The following SPATA7 variants were observed in gnomAD, a reference collection of about 807,000 sequenced individuals.
SPATA7 encodes spermatogenesis associated 7.
SPATA7 carries 43 observed loss-of-function variants against 51.8 expected under a neutral mutation model. That is an observed-to-expected ratio of 0.83 (90% CI 0.65 to 1.07). SPATA7 has a LOEUF of 1.07. Among genes scored for constraint, SPATA7 ranks in the 50% least tolerant of loss-of-function variants. SPATA7 has a pLI of 0.00. For missense variants in SPATA7, 683 were observed against 701.3 expected, an observed-to-expected ratio of 0.97 and a Z score of 0.30; for synonymous variants, 230 against 252.8, an observed-to-expected ratio of 0.91 and a Z score of 0.86.
chr14:88,426,400 T>C lies in SPATA7; in HGVS notation c.541T>C (p.Ser181Pro), dbSNP rs1466926086. Reference protein sequence around the residue: ...GPEKNSSSSPSSVDYAASGPR... With the variant: ...GPEKNSSSSPPSVDYAASGPR... Reference sequence around the variant, plus strand: ...TGAGAAGAACTCCAGTTCCTCCCCGTCCAGTGTGGATTATGCAGCCTCCGG... The same window carrying C: ...TGAGAAGAACTCCAGTTCCTCCCCGCCCAGTGTGGATTATGCAGCCTCCGG... Residue 181 changes from serine (S) to proline (P), a missense_variant, in exon 6 of 12, where the codon TCC becomes CCC. Coordinates refer to ENST00000393545, the MANE Select transcript of SPATA7 (RefSeq NM_018418.5). 1.9e-5 allele frequency: 31 copies of C among 1,614,040 alleles called. No homozygotes were observed. The highest frequency in any genetic ancestry group is 2.6e-5 in the Non-Finnish European group (31 of 1,180,028).
At chr14:88,438,585 G>A, downstream of SPATA7, 1 of 693,870 alleles carries the variant, frequency 1.4e-6, no homozygotes, top group Non-Finnish European at 2.5e-6. Flanking sequence ...TTATCCCACA[G>A]TTTTGTGGAT....
intron 4 of SPATA7, among the ~76,000 whole-genome samples, chr14:88,460,838 T>C (rs556689021): frequency 3.5e-4 from 53 of 152,256 alleles, no homozygotes; most frequent in Admixed American, 6.5e-4. Context: ...ATCTTTGTGG[T>C]TTTATCTATC....
In SPATA7 at chr14:88,469,892, G is replaced by C. The variant is rs1373715681; in HGVS notation, c.*25G>C. ...ACATTAACTGTTCTTCAGAGGCTGA[G>C]AAAATCACTTAAGAGAAATAAGTAC... On this transcript the variant is annotated 3_prime_UTR_variant, in exon 5 of 5. Coordinates refer to the SPATA7 transcript ENST00000556406. The surrounding 1 kb of genome is among the most constrained non-coding windows in gnomAD (Gnocchi z 4.3). 6.2e-7 allele frequency: 1 copy of C among 1,613,144 alleles called. No homozygotes were observed. Among genetic ancestry groups the C allele is most frequent in the African/African-American group, 1.3e-5 (1 of 74,898 alleles).
At chr14:88,390,079 CTG>C (rs1331848744) in intron 1 of SPATA7, among the ~76,000 whole-genome samples, 1 of 152,154 alleles carries the variant, frequency 6.6e-6, no homozygotes, top group Non-Finnish European at 1.5e-5. Flanking sequence ...AGTTTAACCT[CTG>C]TGCTTCAATT....
intron 4 of SPATA7, among the ~76,000 whole-genome samples, chr14:88,400,727 C>G (rs1345711434): frequency 1.3e-5 from 2 of 152,076 alleles, no homozygotes; most frequent in African/African-American, 2.4e-5. Flanking sequence ...CCCAGCTACT[C>G]AGGAGGCTGA....
chr14:88,439,839 C>T (rs1201320482), downstream of SPATA7, among the ~76,000 whole-genome samples: 2 of 152,166 alleles, frequency 1.3e-5, no homozygotes, highest in African/African-American at 4.8e-5. Flanking sequence ...TTCACCTCCA[C>T]TGTCGGAATC....
At chr14:88,442,838 T>C (rs1352599970), downstream of SPATA7, among the ~76,000 whole-genome samples, 1 of 152,188 alleles carries the variant, frequency 6.6e-6, no homozygotes, top group African/African-American at 2.4e-5. Context: ...CTTTATCTTT[T>C]GGAATAGTGT....
At position 88,469,610 on chromosome 14, in the gene SPATA7, T is replaced by C; in HGVS notation, c.255-237T>C. ...AGGAGGTGCTTCATCTTCAGGCCTG[T>C]GGTGGCATAGCAGCCAGAGTCTGTG... On this transcript the variant is annotated intron_variant, in intron 4 of 4. Transcript: ENST00000556406. The surrounding 1 kb of genome is among the most constrained non-coding windows in gnomAD (Gnocchi z 4.3). 2 of 1,614,038 alleles carry C rather than the reference T, an allele frequency of 1.2e-6. No homozygotes were observed. Among genetic ancestry groups the C allele is most frequent in the Non-Finnish European group, 8.5e-7 (1 of 1,179,962 alleles).
At position 88,393,618 on chromosome 14, in the gene SPATA7, G is replaced by A; in HGVS notation, c.190+130G>A. The A allele has an allele frequency of 5.2e-6, 4 of 772,938 alleles. No homozygotes were observed. In the East Asian group the frequency reaches 1.1e-4, roughly 22 times the overall value. The allele number at this position is 772,938 out of a possible 1,614,324, so 47.9% of individuals were successfully genotyped here. A position where few individuals can be genotyped will look rare whatever the true frequency, so the allele number is the denominator to read the frequency against. On this transcript the variant is annotated intron_variant, in intron 3 of 11. Transcript: ENST00000393545. ...AGGATTTGTATTTGTTTGGTTTAGT[G>A]TGATACAAACTATTGACTCTAGGTA...
chr14:88,429,496 G>T (rs758780424), intron 8 of SPATA7, 33 bp downstream of exon 8: 1 of 1,356,170 alleles, frequency 7.4e-7, no homozygotes, highest in South Asian at 1.2e-5. Flanking sequence ...AATTTCAACT[G>T]TCTTTAATTG....
At chr14:88,457,512 T>C (rs775539999), downstream of SPATA7, among the ~76,000 whole-genome samples, 20 of 152,244 alleles carry the variant, frequency 1.3e-4, no homozygotes, top group Non-Finnish European at 2.6e-4. Context: ...TCACTCATGA[T>C]GTGGCTCTCT....
intron 4 of SPATA7, among the ~76,000 whole-genome samples, chr14:88,396,743 A>G (rs2075890745): frequency 6.6e-6 from 1 of 152,240 alleles, no homozygotes; most frequent in Non-Finnish European, 1.5e-5. Flanking sequence ...GGACATGAGT[A>G]TACAAATACC....
At chr14:88,404,171 G>T (rs1376007106) in intron 4 of SPATA7, among the ~76,000 whole-genome samples, 1 of 151,800 alleles carries the variant, frequency 6.6e-6, no homozygotes, top group Non-Finnish European at 1.5e-5. Context: ...CAAAAGAAAA[G>T]GCATATCTTG....
chr14:88,462,069 A>G (rs6575009), intron 4 of SPATA7, among the ~76,000 whole-genome samples: 15,740 of 152,184 alleles, frequency 0.1, 1,038 homozygotes, highest in African/African-American at 0.18. Flanking sequence ...AAATCCTTTC[A>G]GGACACTTAA....
intron 4 of SPATA7, among the ~76,000 whole-genome samples, chr14:88,405,402 G>A (rs898915576): frequency 2.0e-5 from 3 of 152,230 alleles, no homozygotes; most frequent in Non-Finnish European, 2.9e-5. Flanking sequence ...TGGCTTCATA[G>A]TTGGGAATAG....
At chr14:88,403,108 C>A (rs1167530814) in intron 4 of SPATA7, among the ~76,000 whole-genome samples, 4 of 151,658 alleles carry the variant, frequency 2.6e-5, no homozygotes, top group Admixed American at 6.6e-5. Context: ...AAATGCAAAT[C>A]AAAACCTTAA....
At chr14:88,414,726 A>G in intron 4 of SPATA7, 1 of 368,978 alleles carries the variant, frequency 2.7e-6, no homozygotes, top group East Asian at 9.0e-5. Flanking sequence ...GCATCCCAGA[A>G]ATTTTGGTAT....
chr14:88,463,219 T>C (rs1035114758), intron 4 of SPATA7, among the ~76,000 whole-genome samples: 8 of 152,118 alleles, frequency 5.3e-5, no homozygotes, highest in South Asian at 2.1e-4. Context: ...GGAGGACATA[T>C]AAGTGGCAAC....
intron 10 of SPATA7, among the ~76,000 whole-genome samples, chr14:88,434,081 G>T (rs1208772310): frequency 6.6e-6 from 1 of 152,018 alleles, no homozygotes; most frequent in Admixed American, 6.6e-5. Flanking sequence ...CTGCTGAATC[G>T]TGCACTTAAA....
Sources: gnomAD v4.1 joint callset for allele counts (sites outside exome capture counted in the v4.1 genomes callset) on GRCh38, gnomAD v4.1.1 for gene constraint, Gnocchi (gnomAD v3.1) non-coding constraint, MANE v1.5 for transcripts, NCBI Gene and HGNC (gene_info 2026-07-23, HGNC 2026-07-21) for gene names.